The following INPP4B variants were observed in gnomAD, a reference collection of about 807,000 sequenced individuals.
The protein encoded by INPP4B is inositol polyphosphate 4-phosphatase type II.
In INPP4B, 55 loss-of-function variants were observed where a neutral mutation model predicts 122.5. That is an observed-to-expected ratio of 0.45 (90% CI 0.36 to 0.56). The LOEUF is 0.56. Among genes scored for constraint, INPP4B ranks in the 20% least tolerant of loss-of-function variants. The pLI is 0.00. For missense variants in INPP4B, 1,000 were observed against 1,097.7 expected, an observed-to-expected ratio of 0.91 and a Z score of 1.26; for synonymous variants, 403 against 388.7, an observed-to-expected ratio of 1.04 and a Z score of -0.43.
chr4:142,743,090 G>T (rs1190428288), intron 1 of INPP4B, among the ~76,000 whole-genome samples: 1 of 152,004 alleles, frequency 6.6e-6, no homozygotes, highest in Non-Finnish European at 1.5e-5. Context: ...CTATAATGGA[G>T]TAACTTGTCT....
rs2152247869 is a variant in INPP4B at position 142,026,993 on chromosome 4, T to C, written c.*1789A>G. ...GCCTATCTTAAATCTAATAGGGTAA[T>C]GAAAATAACCACAAATCCTACCATT... On this transcript the variant is annotated 3_prime_UTR_variant, in exon 26 of 26. Coordinates refer to ENST00000262992, the MANE Select transcript of INPP4B (RefSeq NM_001101669.3). 6.6e-6 allele frequency: 1 copy of C among 152,116 alleles called. No individual in the cohort carries two copies. The highest frequency in any genetic ancestry group is 2.1e-4 in the South Asian group (1 of 4,828). The allele number at this position is 152,116 out of a possible 1,614,324, so 9.4% of individuals were successfully genotyped here. A position where few individuals can be genotyped will look rare whatever the true frequency, so the allele number is the denominator to read the frequency against.
chr4:142,453,049 T>C (rs758403594), intron 3 of INPP4B, among the ~76,000 whole-genome samples: 2 of 152,206 alleles, frequency 1.3e-5, no homozygotes, highest in African/African-American at 2.4e-5. Flanking sequence ...GACAGGTTTT[T>C]TTCTGATACT....
chr4:142,257,323 C>T (rs1267519233), intron 11 of INPP4B, among the ~76,000 whole-genome samples: 3 of 152,200 alleles, frequency 2.0e-5, no homozygotes, highest in African/African-American at 4.8e-5. Flanking sequence ...CTCACCACTC[C>T]TATTCAACAT....
intron 23 of INPP4B, among the ~76,000 whole-genome samples, chr4:142,100,678 C>T (rs2152638772): frequency 6.6e-6 from 1 of 152,210 alleles, no homozygotes; most frequent in South Asian, 2.1e-4. Flanking sequence ...AGGTTAACCC[C>T]TTCTTGCATA....
intron 25 of INPP4B, among the ~76,000 whole-genome samples, chr4:142,037,403 T>C (rs1744655730): frequency 6.6e-6 from 1 of 152,200 alleles, no homozygotes; most frequent in Non-Finnish European, 1.5e-5. Context: ...CAAATCACTC[T>C]GACTTCTAAA....
intron 15 of INPP4B, among the ~76,000 whole-genome samples, chr4:142,178,976 G>A (rs1164266269): frequency 2.0e-5 from 3 of 152,066 alleles, no homozygotes; most frequent in African/African-American, 7.2e-5. Flanking sequence ...TGGTCTCACA[G>A]GGTTTAATAA....
chr4:142,685,248 T>C (rs1580704493), intron 2 of INPP4B, among the ~76,000 whole-genome samples: 1 of 152,174 alleles, frequency 6.6e-6, no homozygotes, highest in African/African-American at 2.4e-5. Flanking sequence ...GGCAAATATA[T>C]AGTATTTTAC....
At chr4:142,646,190 T>C (rs893861216) in intron 2 of INPP4B, among the ~76,000 whole-genome samples, 4 of 152,204 alleles carry the variant, frequency 2.6e-5, no homozygotes, top group Non-Finnish European at 5.9e-5. Context: ...GTGCATTTTA[T>C]TGTATGTAAA....
rs555066362 is a variant in INPP4B, at chr4:142,194,422, C to A, written c.1073-1227G>T. 3.9e-5 allele frequency among the ~76,000 whole-genome samples: 6 copies of A among 152,164 alleles called. 1 individual carries two copies. In the South Asian group the frequency reaches 1.2e-3, roughly 32 times the overall value. ...GCTAAGACACTGGTTTCAGGGTGTC[C>A]AAGAATGTTTGTTAATTACATAATT... On this transcript the variant is annotated intron_variant, in intron 14 of 25. Transcript: ENST00000262992.
intron 2 of INPP4B, among the ~76,000 whole-genome samples, chr4:142,523,814 C>G (rs933625411): frequency 2.4e-5 from 3 of 126,418 alleles, no homozygotes; most frequent in African/African-American, 6.0e-5. Context: ...CCCCTCCCCC[C>G]ACCCCACAAC....
rs748957036 is a variant in INPP4B, at chr4:142,082,099, G to A, written c.2574C>T (p.Cys858=). ...RTSMSVTLEQ[C]SILRDEHQLH... ...ACTGGTGCTCATCTCTCAAGATTGA[G>A]CATTGTTCAAGTGTCACTGACATCG... Residue 858 remains cysteine (C), a synonymous_variant, in exon 25 of 26, where the codon TGC becomes TGT. Transcript: ENST00000262992. The A allele has an allele frequency of 4.0e-6, 6 of 1,513,820 alleles. No homozygotes were observed. The highest frequency in any genetic ancestry group is 2.6e-5 in the South Asian group (2 of 76,076). The allele number at this position is 1,513,820 out of a possible 1,614,324, so 93.8% of individuals were successfully genotyped here. A position where few individuals can be genotyped will look rare whatever the true frequency, so the allele number is the denominator to read the frequency against.
chr4:142,448,716 G>C (rs564082536), intron 3 of INPP4B, among the ~76,000 whole-genome samples: 4 of 152,140 alleles, frequency 2.6e-5, no homozygotes, highest in African/African-American at 4.8e-5. Flanking sequence ...TACCATCATT[G>C]TAGGACAACT....
intron 8 of INPP4B, among the ~76,000 whole-genome samples, chr4:142,310,587 G>A (rs1168079405): frequency 6.6e-6 from 1 of 151,508 alleles, no homozygotes; most frequent in Non-Finnish European, 1.5e-5. Context: ...GTTTTAAAAG[G>A]TCTCTGAAAA....
At chr4:142,315,564 G>A (rs1401128369) in intron 7 of INPP4B, among the ~76,000 whole-genome samples, 2 of 151,766 alleles carry the variant, frequency 1.3e-5, no homozygotes, top group Non-Finnish European at 2.9e-5. Flanking sequence ...GCGCCTCCAT[G>A]CCCCCAGATA....
chr4:142,648,172 T>C (rs1015108781), intron 2 of INPP4B, among the ~76,000 whole-genome samples: 3 of 152,234 alleles, frequency 2.0e-5, no homozygotes, highest in East Asian at 3.9e-4. Context: ...TGCATTGGCA[T>C]AGGTTAGCAG....
chr4:142,030,538 AAG>A (rs571654117), intron 25 of INPP4B, among the ~76,000 whole-genome samples: 31 of 152,318 alleles, frequency 2.0e-4, no homozygotes, highest in Non-Finnish European at 3.5e-4. Context: ...TGCAAGAAGG[AAG>A]AGAGAAACAC....
intron 18 of INPP4B, among the ~76,000 whole-genome samples, chr4:142,141,527 G>T (rs1245903688): frequency 1.3e-5 from 2 of 151,998 alleles, no homozygotes; most frequent in African/African-American, 4.8e-5. Flanking sequence ...ATAAACTGTA[G>T]AACTTTGGAA....
intron 2 of INPP4B, among the ~76,000 whole-genome samples, chr4:142,640,093 G>C (rs1269630627): frequency 1.3e-5 from 2 of 152,064 alleles, no homozygotes; most frequent in Non-Finnish European, 2.9e-5. Context: ...AGGGCAACAG[G>C]TGTAAACTGT....
At chr4:142,613,216 C>G (rs1742955959) in intron 2 of INPP4B, among the ~76,000 whole-genome samples, 1 of 152,164 alleles carries the variant, frequency 6.6e-6, no homozygotes, top group Non-Finnish European at 1.5e-5. Context: ...AAAAGAGATA[C>G]AATTCCATCT....
Sources: gnomAD v4.1 joint callset for allele counts (sites outside exome capture counted in the v4.1 genomes callset) on GRCh38, gnomAD v4.1.1 for gene constraint, MANE v1.5 for transcripts, NCBI Gene and HGNC (gene_info 2026-07-23, HGNC 2026-07-21) for gene names.